Variants in LTA4H observed in about 807,000 individuals in gnomAD.
LTA4H encodes the protein leukotriene A4 hydrolase, also known as leukotriene A-4 hydrolase.
LTA4H carries 59 observed loss-of-function variants against 89.8 expected under a neutral mutation model. The ratio of observed to expected loss-of-function variants is 0.66; its 90% CI spans 0.53 to 0.82. LTA4H has a LOEUF of 0.82. Ranked by LOEUF, LTA4H falls within the 40% of genes least tolerant of loss-of-function variation. The pLI, the probability that LTA4H is intolerant of heterozygous loss-of-function variation, is 0.00. For synonymous variants in LTA4H, 227 were observed against 253.1 expected (o/e 0.90, Z 0.98); for missense variants, 617 against 727.0 (o/e 0.85, Z 1.74).
At chr12:96,010,794 A>G (rs1382747815) in intron 14 of LTA4H, 2 of 152,234 alleles carry the variant, frequency 1.3e-5, no homozygotes, top group Admixed American at 1.3e-4. Flanking sequence ...ATACAAGTGC[A>G]CAGTTTGGGT....
chr12:96,041,293 G>GT (rs1247633313), intron 1 of LTA4H, among the ~76,000 whole-genome samples: 5 of 152,162 alleles, frequency 3.3e-5, no homozygotes, highest in Admixed American at 2.6e-4. Context: ...TTTGATGTTT[G>GT]TAAGAGTTGA....
chr12:96,027,316 A>G (rs548699155), intron 3 of LTA4H, 128 bp downstream of exon 3: 4 of 720,656 alleles, frequency 5.6e-6, no homozygotes, highest in South Asian at 2.3e-5. Context: ...ATATGTTTCT[A>G]TAAGATCAAT....
At chr12:96,035,225 C>A in intron 1 of LTA4H, 136 bp downstream of exon 1, 1 of 857,992 alleles carries the variant, frequency 1.2e-6, no homozygotes. Flanking sequence ...ATGGAGGCTA[C>A]AGAAGAGCAG....
chr12:96,032,004 G>A (rs1950579983), intron 1 of LTA4H, among the ~76,000 whole-genome samples: 1 of 152,228 alleles, frequency 6.6e-6, no homozygotes, highest in Non-Finnish European at 1.5e-5. Flanking sequence ...TTGATTCCCA[G>A]TTGAGACATT....
At chr12:96,010,282 T>A (rs1566004848) in intron 14 of LTA4H, 1 of 152,168 alleles carries the variant, frequency 6.6e-6, no homozygotes, top group East Asian at 1.9e-4. Context: ...TTCAGAAAAG[T>A]AAAGAGCAAA....
In LTA4H at chr12:96,035,543, A is replaced by T; in HGVS notation, c.-24T>A. The T allele has an allele frequency of 3.2e-6, 5 of 1,580,176 alleles. No individual in the cohort carries two copies. Among genetic ancestry groups the T allele is most frequent in the Non-Finnish European group, 4.3e-6 (5 of 1,159,702 alleles). On this transcript the variant is annotated 5_prime_UTR_variant, in exon 1 of 19. Transcript: ENST00000228740. ...ATGGCTCTGGGGGATCACACAGCAC[A>T]GCGACCTACAGCCCAACGCTCAGCT...
intron 8 of LTA4H, among the ~76,000 whole-genome samples, 194 bp from the exon 9 acceptor site, chr12:96,017,774 T>C (rs1950398916): frequency 6.6e-6 from 1 of 152,242 alleles, no homozygotes; most frequent in Non-Finnish European, 1.5e-5. Context: ...CATCATTCTT[T>C]CTTGCCCTAA....
intron 15 of LTA4H, 120 bp from the exon 16 acceptor site, chr12:96,006,529 A>T: frequency 1.8e-6 from 1 of 550,476 alleles, no homozygotes; most frequent in East Asian, 3.0e-5. Context: ...AGATTATTCA[A>T]AATAAATTTA....
chr12:96,022,069 A>G lies in LTA4H; in HGVS notation c.585+78T>C. 1 of 817,092 alleles carries G rather than the reference A, an allele frequency of 1.2e-6. No individual in the cohort carries two copies. The highest frequency in any genetic ancestry group is 1.6e-5 in the South Asian group (1 of 64,322). 50.6% of individuals were successfully genotyped at this position (817,092 alleles called of 1,614,324 possible). On this transcript the variant is annotated intron_variant, in intron 5 of 18. Transcript: ENST00000228740. This position sits in a 1 kb window ranked among gnomAD's most constrained non-coding sequence, Gnocchi z 4.0. ...AAAATTCTGAAATATTTCAAAAGTA[A>G]TTTTGCCCTCTGGATGTGTACAAGC...
chr12:96,006,364 C>T lies in LTA4H; in HGVS notation c.1480G>A (p.Asp494Asn), dbSNP rs1004708761. ...TCATTCAATTGATGAGAAGAGAGATCCTTCAGGTCTGTGGCATTGAATGAA... is the reference window on the plus strand; with the variant it reads ...TCATTCAATTGATGAGAAGAGAGATTCTTCAGGTCTGTGGCATTGAATGAA... ...LNSFNATDLK[D>N]LSSHQLNEFL... Residue 494 changes from aspartate to asparagine, a missense_variant, in exon 16 of 19, where the codon GAT becomes AAT. Asp to Asn is a conservative substitution (Grantham distance 23). Transcript: ENST00000228740. 2 of 1,611,948 alleles carry T rather than the reference C, an allele frequency of 1.2e-6. No individual in the cohort carries two copies. The highest frequency in any genetic ancestry group is 1.3e-5 in the African/African-American group (1 of 74,872).
intron 3 of LTA4H, 86 bp from the exon 4 acceptor site, chr12:96,024,633 T>TA: frequency 1.2e-6 from 1 of 850,948 alleles, no homozygotes; most frequent in Non-Finnish European, 1.9e-6. Flanking sequence ...GCATTGTTCT[T>TA]AGACATTAAA....
chr12:96,003,038 T>G lies in LTA4H; in HGVS notation c.1640A>C (p.Lys547Thr), dbSNP rs1950133252. ...FRWLRLCIQSKWEDAIPLALK... is the reference protein window; with the variant it reads ...FRWLRLCIQSTWEDAIPLALK... ...CGCCAAAGGAATTGCGTCCTCCCAC[T>G]TGGATTGAATGCAGAGCCGCAGCCA... Residue 547 changes from lysine to threonine, a missense_variant, in exon 18 of 19, where the codon AAG (lysine) becomes ACG (threonine). Around this residue, in one of 3 missense-constraint regions of LTA4H, gnomAD observed 290 missense variants for 339.1 expected, o/e 0.86. Transcript: ENST00000228740. 6.2e-7 allele frequency: 1 copy of G among 1,602,490 alleles called. No individual in the cohort carries two copies. The highest frequency in any genetic ancestry group is 1.1e-5 in the South Asian group (1 of 88,906).
chr12:96,033,640 T>A (rs1231265635), intron 1 of LTA4H, among the ~76,000 whole-genome samples: 1 of 152,116 alleles, frequency 6.6e-6, no homozygotes, highest in Non-Finnish European at 1.5e-5. Context: ...ACACATGCCA[T>A]GGTGGTTTGC....
intron 8 of LTA4H, among the ~76,000 whole-genome samples, chr12:96,018,303 C>A (rs1461365259): frequency 6.6e-6 from 1 of 152,150 alleles, no homozygotes; most frequent in African/African-American, 2.4e-5. Context: ...GTAATCCCAG[C>A]ACTTTGGGAG....
chr12:96,009,994 C>T (rs887400672), intron 14 of LTA4H: 3 of 152,200 alleles, frequency 2.0e-5, no homozygotes, highest in Non-Finnish European at 2.9e-5. Context: ...CAGCTCCCAC[C>T]TCGAAGCAGC....
At chr12:96,015,557 G>A in intron 11 of LTA4H, 26 bp downstream of exon 11, 4 of 1,526,662 alleles carry the variant, frequency 2.6e-6, no homozygotes, top group East Asian at 2.3e-5. Flanking sequence ...TTTGGATGAA[G>A]GTTTTTAAAA....
upstream of LTA4H, among the ~76,000 whole-genome samples, chr12:96,040,211 A>G (rs1592906083): frequency 6.6e-6 from 1 of 152,194 alleles, no homozygotes; most frequent in South Asian, 2.1e-4. Context: ...AGAAGTAGAG[A>G]TGTGTTTGGG....
chr12:96,035,173 G>A lies in LTA4H; in HGVS notation c.159+188C>T, dbSNP rs963218112. On this transcript the variant is annotated intron_variant, in intron 1 of 18. Coordinates refer to ENST00000228740, the MANE Select transcript of LTA4H (RefSeq NM_000895.3). ...GGCGTAAGCGGGGTTGAGAAGGGGT[G>A]CTGTGAGAGATCTGGGGGCTGAAGT... 5.9e-5 allele frequency among the ~76,000 whole-genome samples: 9 copies of A among 152,306 alleles called. No homozygotes were observed. In the East Asian group the frequency reaches 1.7e-3, roughly 29 times the overall value.
At chr12:96,008,014 A>G (rs1219901541) in intron 15 of LTA4H, among the ~76,000 whole-genome samples, 1 of 152,210 alleles carries the variant, frequency 6.6e-6, no homozygotes, top group East Asian at 1.9e-4. Context: ...ACGACTGTAT[A>G]TTCATGGACA....
Sources: gnomAD v4.1 joint callset for allele counts (sites outside exome capture counted in the v4.1 genomes callset) on GRCh38, gnomAD v4.1.1 for gene constraint, gnomAD v4.1.1 regional missense constraint, Gnocchi (gnomAD v3.1) non-coding constraint, MANE v1.5 for transcripts, NCBI Gene and HGNC (gene_info 2026-07-23, HGNC 2026-07-21) for gene names.